The following KIAA1210 variants were observed in gnomAD, a reference collection of about 807,000 sequenced individuals.
KIAA1210 encodes the protein acrosomal protein KIAA1210.
A neutral mutation model predicts 78.9 loss-of-function variants in KIAA1210; 48 were observed. That is an observed-to-expected ratio of 0.61 (90% CI 0.48 to 0.77). The LOEUF (loss-of-function observed/expected upper bound fraction) is 0.77, where lower values mean the gene tolerates loss of function less well. Ranked by LOEUF, KIAA1210 falls within the 30% of genes least tolerant of loss-of-function variation. The probability of loss-of-function intolerance (pLI) is 0.00; values close to 1 mark genes in which losing one functional copy is unlikely to be tolerated. For synonymous variants in KIAA1210, 406 were observed against 404.5 expected, an observed-to-expected ratio of 1.00 and a Z score of -0.04; for missense variants, 1,108 against 1,100.0, an observed-to-expected ratio of 1.01 and a Z score of -0.10.
intron 10 of KIAA1210, among the ~76,000 whole-genome samples, chrX:119,083,647 A>G: frequency 9.0e-6 from 1 of 111,570 alleles, no homozygotes; most frequent in Non-Finnish European, 1.9e-5. Context: ...TAACCTCTTC[A>G]TAATTGGTCT....
At chrX:119,092,678 T>G (rs1029871776) in intron 8 of KIAA1210, among the ~76,000 whole-genome samples, 9 of 109,238 alleles carry the variant, frequency 8.2e-5, no homozygotes, top group East Asian at 2.9e-4. Context: ...GGAGAATTGC[T>G]TGAACTAGGG....
In KIAA1210 at chrX:119,150,558, G is replaced by A; in HGVS notation, c.22C>T (p.Arg8Ter). 1 of 1,207,629 alleles carries A rather than the reference G, an allele frequency of 8.3e-7. No individual in the cohort carries two copies. Among genetic ancestry groups the A allele is most frequent in the South Asian group, 1.8e-5 (1 of 56,432 alleles). Residue 8 changes from arginine (R) to a stop codon, truncating the protein, a stop_gained, in exon 1 of 14, where the codon CGA becomes TGA. Coordinates refer to the KIAA1210 transcript ENST00000402510. LOFTEE classifies it high-confidence loss of function. Reference sequence around the variant, plus strand: ...GAAGCGTGAAAGGCAGAGAAGCCTCGAGGCGTCCAGCCGGCCCTCATTTCC... The same window carrying A: ...GAAGCGTGAAAGGCAGAGAAGCCTCAAGGCGTCCAGCCGGCCCTCATTTCC...
intron 6 of KIAA1210, among the ~76,000 whole-genome samples, chrX:119,098,882 A>G (rs961586263): frequency 2.7e-5 from 3 of 112,091 alleles, no homozygotes; most frequent in African/African-American, 9.7e-5. Context: ...GTAGTTGCAC[A>G]AGCACTACAT....
In KIAA1210 at chrX:119,093,349, G is replaced by A. The variant is rs986234408; in HGVS notation, c.955+318C>T. On this transcript the variant is annotated intron_variant, in intron 8 of 11. Transcript: ENST00000691062. ...TCCTCTCATATCTGGGCTCACTGAG[G>A]AACTCAGCATGTACGTTAGCCTCGG... Among the ~76,000 whole-genome samples the A allele has an allele frequency of 6.2e-5, 7 of 112,384 alleles. No homozygotes were observed. The East Asian group carries it at 1.9e-3, about 31-fold the overall frequency.
chrX:119,095,800 A>C (rs1927534290), intron 7 of KIAA1210, among the ~76,000 whole-genome samples: 2 of 112,682 alleles, frequency 1.8e-5, no homozygotes, highest in South Asian at 7.4e-4. Flanking sequence ...ACAAATAATA[A>C]AATTATCTAT....
chrX:119,093,967 C>A (rs772978122), intron 7 of KIAA1210, 192 bp from the exon 8 acceptor site: 1 of 1,053,729 alleles, frequency 9.5e-7, no homozygotes, highest in Non-Finnish European at 1.3e-6. Context: ...ACCAAGAGAT[C>A]CTTGGGGATC....
intron 3 of KIAA1210, among the ~76,000 whole-genome samples, 155 bp downstream of exon 3, chrX:119,116,341 C>A (rs952306658): frequency 8.9e-6 from 1 of 111,917 alleles, no homozygotes; most frequent in Non-Finnish European, 1.9e-5. Context: ...CACCCCCCTC[C>A]CCCGGACATG....
intron 3 of KIAA1210, among the ~76,000 whole-genome samples, chrX:119,113,724 G>A (rs1156679947): frequency 8.9e-6 from 1 of 111,828 alleles, no homozygotes; most frequent in Non-Finnish European, 1.9e-5. Flanking sequence ...AGTTATTCCT[G>A]TTAGGTAGGA....
At chrX:119,121,150 T>C (rs897268989) in intron 2 of KIAA1210, among the ~76,000 whole-genome samples, 3 of 111,593 alleles carry the variant, frequency 2.7e-5, no homozygotes. Context: ...TCTGAGATGG[T>C]TGCCATATAT....
At chrX:119,092,345 G>A (rs765764729) in intron 8 of KIAA1210, among the ~76,000 whole-genome samples, 4 of 111,889 alleles carry the variant, frequency 3.6e-5, no homozygotes, top group East Asian at 2.8e-4. Context: ...AGCATACAGC[G>A]CTGATAATAG....
At chrX:119,141,389 C>T (rs1267747514) in intron 2 of KIAA1210, among the ~76,000 whole-genome samples, 3 of 111,950 alleles carry the variant, frequency 2.7e-5, no homozygotes, top group Non-Finnish European at 5.6e-5. Context: ...AATACACTGC[C>T]TCCTGTGCTG....
At position 119,086,645 on chromosome X, in the gene KIAA1210, C is replaced by G; in HGVS notation, c.4057G>C (p.Ala1353Pro). The change falls in exon 9 of 12, where the codon GCA (alanine) becomes CCA (proline). Residue 1353 changes from alanine to proline, a missense_variant. This residue lies in a region of KIAA1210 where 245 missense variants were observed against 278.8 expected (regional missense o/e 0.88). Transcript: ENST00000691062. Reference protein sequence around the residue: ...RSTSQGLLDAAGNLTKISYVA... With the variant: ...RSTSQGLLDAPGNLTKISYVA... The stretch of plus-strand genomic sequence containing the variant: ...TAAGATATTTTGGTGAGGTTCCCTG[C>G]AGCATCCAGGAGCCCCTGGGAAGTG... The G allele has an allele frequency of 2.5e-6, 3 of 1,211,451 alleles. No homozygotes were observed. The highest frequency in any genetic ancestry group is 1.1e-6 in the Non-Finnish European group (1 of 895,253).
At chrX:119,093,614 G>A (rs1016612120) in intron 8 of KIAA1210, 53 bp downstream of exon 8, 22 of 934,432 alleles carry the variant, frequency 2.4e-5, no homozygotes, top group Non-Finnish European at 3.2e-5. Context: ...ACATAGCACT[G>A]TGCAATGAAG....
chrX:119,112,199 C>G (rs1044132458), intron 3 of KIAA1210, among the ~76,000 whole-genome samples: 5 of 111,768 alleles, frequency 4.5e-5, no homozygotes, highest in Non-Finnish European at 9.4e-5. Context: ...AACCTCTTTT[C>G]TTTATAAATT....
In KIAA1210 at chrX:119,106,540, A is replaced by T. The variant is rs760901950; in HGVS notation, c.493-1393T>A. ...CAAGTTCAAGACGTTTAAAGGCAAC[A>T]ACCAGAACATATGGTGTGCCTGCTT... On this transcript the variant is annotated intron_variant, in intron 5 of 11. Coordinates refer to ENST00000691062, the MANE Select transcript of KIAA1210 (RefSeq NM_001394962.1). Among the ~76,000 whole-genome samples, 13 of 112,047 alleles carry T rather than the reference A, an allele frequency of 1.2e-4. No homozygotes were observed. In the South Asian group the frequency reaches 4.9e-3, roughly 43 times the overall value.
chrX:119,093,587 G>A lies in KIAA1210; in HGVS notation c.955+80C>T, dbSNP rs747603254. 1.3e-5 allele frequency: 9 copies of A among 676,928 alleles called. No individual in the cohort carries two copies. The African/African-American group carries it at 1.7e-4, about 13-fold the overall frequency. The allele number at this position is 676,928 out of a possible 1,213,427, so 55.8% of individuals were successfully genotyped here. On this transcript the variant is annotated intron_variant, in intron 8 of 11. Transcript: ENST00000691062. ...AGGGCAGCAGTCTTGGGTAGTTCTT[G>A]GGTATAGCTCCTATCAACATAGCAC... is the stretch of plus-strand genomic sequence containing the variant.
At chrX:119,139,723 A>C (rs551332216) in intron 2 of KIAA1210, among the ~76,000 whole-genome samples, 2 of 111,973 alleles carry the variant, frequency 1.8e-5, no homozygotes, top group Admixed American at 1.9e-4. Flanking sequence ...TAAAAATAAT[A>C]AATAATAAAA....
At position 119,079,181 on chromosome X, in the gene KIAA1210, C is replaced by G. The variant is rs1926860908; in HGVS notation, c.*2148G>C. The G allele has an allele frequency of 8.9e-6, 1 of 112,221 alleles. No individual in the cohort carries two copies. The allele number at this position is 112,221 out of a possible 1,213,427, so 9.2% of individuals were successfully genotyped here. ...TACCAGCATCAACAAAACCCAGCACCAAGTGTTTAGCTCTGACACCTCACT... is the reference window on the plus strand; with the variant it reads ...TACCAGCATCAACAAAACCCAGCACGAAGTGTTTAGCTCTGACACCTCACT... On this transcript the variant is annotated 3_prime_UTR_variant, in exon 12 of 12. Coordinates refer to ENST00000691062, the MANE Select transcript of KIAA1210 (RefSeq NM_001394962.1).
At chrX:119,128,864 G>C (rs1020735904), upstream of KIAA1210, among the ~76,000 whole-genome samples, 3 of 110,411 alleles carry the variant, frequency 2.7e-5, no homozygotes, top group Admixed American at 2.9e-4. Flanking sequence ...TAGTAGAGAC[G>C]GGGTTTCTCC....
Sources: gnomAD v4.1 joint callset for allele counts (sites outside exome capture counted in the v4.1 genomes callset) on GRCh38, gnomAD v4.1.1 for gene constraint, gnomAD v4.1.1 regional missense constraint, MANE v1.5 for transcripts, NCBI Gene and HGNC (gene_info 2026-07-23, HGNC 2026-07-21) for gene names.